KCNQ1OT1: variants seen among roughly 807,000 people sequenced by gnomAD.
KCNQ1OT1 encodes KCNQ1 opposite strand/antisense transcript 1.
rs1849229693 is a variant in KCNQ1OT1 at position 2,624,436 on chromosome 11, C to G, written n.75559G>C. ...TTATTTTTAACAAAGTCTAGCTTAT[C>G]AATTATTTCTTTCATGAATCATGCC... On this transcript the variant is annotated non_coding_transcript_exon_variant, in exon 1 of 1. Transcript: ENST00000597346. The surrounding 1 kb of genome is among the most constrained non-coding windows in gnomAD (Gnocchi z 4.9). 1 of 398,416 alleles carries G rather than the reference C, an allele frequency of 2.5e-6. No individual in the cohort carries two copies. The highest frequency in any genetic ancestry group is 4.4e-5 in the Admixed American group (1 of 22,726). The allele number at this position is 398,416 out of a possible 1,614,324, so 24.7% of individuals were successfully genotyped here.
chr11:2,667,703 G>C, exon 1 of KCNQ1OT1: 1 of 398,786 alleles, frequency 2.5e-6, no homozygotes, highest in Non-Finnish European at 4.4e-6. Flanking sequence ...ACCTAGTCAG[G>C]AAGTCTGGAA....
exon 1 of KCNQ1OT1, chr11:2,686,344 G>A (rs1451942920): frequency 2.5e-6 from 1 of 398,612 alleles, no homozygotes; most frequent in African/African-American, 2.1e-5. Context: ...TCCAAGCTGG[G>A]GGAGGAGTAT....
At chr11:2,667,808 C>G (rs1850110068) in exon 1 of KCNQ1OT1, 3 of 398,542 alleles carry the variant, frequency 7.5e-6, no homozygotes, top group Non-Finnish European at 1.3e-5. Context: ...CTGGGCTACC[C>G]TGGTATAGGG....
At chr11:2,662,145 TG>T in exon 1 of KCNQ1OT1, 2 of 1,608,004 alleles carry the variant, frequency 1.2e-6, no homozygotes, top group Non-Finnish European at 8.5e-7. Context: ...GAGTCAGACT[TG>T]GTGCTGGGGA....
exon 1 of KCNQ1OT1, chr11:2,648,464 CTG>C (rs1194820732): frequency 1.0e-5 from 4 of 398,220 alleles, no homozygotes; most frequent in African/African-American, 2.1e-5. Context: ...TTTTTGTATG[CTG>C]TGTTTCTATT....
chr11:2,635,040 C>G (rs1221654144), exon 1 of KCNQ1OT1: 1 of 152,060 alleles, frequency 6.6e-6, no homozygotes, highest in East Asian at 1.9e-4. Flanking sequence ...TTTGTTTTTT[C>G]TTGTAAATTT....
chr11:2,660,853 A>T, exon 1 of KCNQ1OT1: 1 of 398,658 alleles, frequency 2.5e-6, no homozygotes. Context: ...CCAGTATGTC[A>T]GCTTTTAAGA....
At chr11:2,660,875 T>C in exon 1 of KCNQ1OT1, 4 of 398,650 alleles carry the variant, frequency 1.0e-5, no homozygotes, top group Non-Finnish European at 1.8e-5. Context: ...TAAAGATGAA[T>C]ATGGCATCAT....
rs964580919 is a variant in KCNQ1OT1 at position 2,613,584 on chromosome 11, G to A, written n.86411C>T. 73 of 398,312 alleles carry A rather than the reference G, an allele frequency of 1.8e-4. No individual in the cohort carries two copies. Among genetic ancestry groups the A allele is most frequent in the Admixed American group, 1.5e-3 (35 of 22,686 alleles). 24.7% of individuals were successfully genotyped at this position (398,312 alleles called of 1,614,324 possible). ...AGGCTTAATATTTTTTCTTTAATTA[G>A]CACTTTTCAATTTTATATTTCTTTG... On this transcript the variant is annotated non_coding_transcript_exon_variant, in exon 1 of 1. Transcript: ENST00000597346. This position sits in a 1 kb window ranked among gnomAD's most constrained non-coding sequence, Gnocchi z 4.8.
chr11:2,641,821 A>G (rs186144026), exon 1 of KCNQ1OT1: 1 of 398,452 alleles, frequency 2.5e-6, no homozygotes, highest in East Asian at 3.6e-5. Flanking sequence ...TAGTATAGCA[A>G]GAGATAGAAA....
exon 1 of KCNQ1OT1, chr11:2,699,932 C>G (rs912030935): frequency 4.5e-5 from 18 of 398,266 alleles, no homozygotes; most frequent in Admixed American, 8.8e-5. Context: ...GAGGGGCGCC[C>G]TGGCAGGATC....
At chr11:2,655,932 C>T (rs1026295329) in exon 1 of KCNQ1OT1, 13 of 398,712 alleles carry the variant, frequency 3.3e-5, no homozygotes, top group Middle Eastern at 6.3e-4. Flanking sequence ...AACCAAAAAG[C>T]ACACATTCCT....
chr11:2,659,347 C>T lies in KCNQ1OT1; in HGVS notation n.40648G>A, dbSNP rs1590012500. On this transcript the variant is annotated non_coding_transcript_exon_variant, in exon 1 of 1. Coordinates refer to ENST00000597346, the Ensembl canonical transcript of KCNQ1OT1. This position sits in a 1 kb window ranked among gnomAD's most constrained non-coding sequence, Gnocchi z 4.3. ...TTCTAGAATGTCCTATAAATGGGAT[C>T]CTATAATATGTATTCTTTTGCATCT... 5.0e-6 allele frequency: 2 copies of T among 398,590 alleles called. No homozygotes were observed. Among genetic ancestry groups the T allele is most frequent in the Middle Eastern group, 6.3e-4 (1 of 1,586 alleles). The allele number at this position is 398,590 out of a possible 1,614,324, so 24.7% of individuals were successfully genotyped here.
chr11:2,611,013 T>C lies in KCNQ1OT1; in HGVS notation n.88982A>G. On this transcript the variant is annotated non_coding_transcript_exon_variant, in exon 1 of 1. Coordinates refer to ENST00000597346, the Ensembl canonical transcript of KCNQ1OT1. The surrounding 1 kb of genome is among the most constrained non-coding windows in gnomAD (Gnocchi z 5.3). ...GTTGAGTTGTCTATTATTGTTCAGT[T>C]GTCTGTTTCTCTCTTCATTTCTGAC... The C allele has an allele frequency of 2.5e-6, 1 of 398,488 alleles. No homozygotes were observed. Among genetic ancestry groups the C allele is most frequent in the Admixed American group, 4.4e-5 (1 of 22,724 alleles). 24.7% of individuals were successfully genotyped at this position (398,488 alleles called of 1,614,324 possible).
chr11:2,616,810 A>G, exon 1 of KCNQ1OT1: 1 of 398,258 alleles, frequency 2.5e-6, no homozygotes, highest in Non-Finnish European at 4.4e-6. Flanking sequence ...CTAACATATC[A>G]TCCCTCCTAG....
At position 2,690,273 on chromosome 11, in the gene KCNQ1OT1, A is replaced by G; in HGVS notation, n.9722T>C. The G allele has an allele frequency of 2.5e-6, 1 of 398,770 alleles. No homozygotes were observed. Among genetic ancestry groups the G allele is most frequent in the Non-Finnish European group, 4.4e-6 (1 of 226,140 alleles). The allele number at this position is 398,770 out of a possible 1,614,324, so 24.7% of individuals were successfully genotyped here. A position where few individuals can be genotyped will look rare whatever the true frequency, so the allele number is the denominator to read the frequency against. On this transcript the variant is annotated non_coding_transcript_exon_variant, in exon 1 of 1. Coordinates refer to ENST00000597346, the Ensembl canonical transcript of KCNQ1OT1. This position sits in a 1 kb window ranked among gnomAD's most constrained non-coding sequence, Gnocchi z 5.1. ...CTGAGCTGCTCCTTGCTGCATCTGC[A>G]CATATGTGTAGTGTCTTCCTCCCTG...
exon 1 of KCNQ1OT1, chr11:2,618,010 C>T (rs1161748919): frequency 4.8e-5 from 19 of 398,436 alleles, no homozygotes; most frequent in Admixed American, 8.8e-5. Flanking sequence ...TGACTGTTTC[C>T]GTTCCTGTGC....
Position 2,651,379 on chromosome 11 carries a change from G to T in KCNQ1OT1, n.48616C>A. 2 of 398,728 alleles carry T rather than the reference G, an allele frequency of 5.0e-6. No homozygotes were observed. Among genetic ancestry groups the T allele is most frequent in the Non-Finnish European group, 8.8e-6 (2 of 226,148 alleles). The allele number at this position is 398,728 out of a possible 1,614,324, so 24.7% of individuals were successfully genotyped here. A position where few individuals can be genotyped will look rare whatever the true frequency, so the allele number is the denominator to read the frequency against. On this transcript the variant is annotated non_coding_transcript_exon_variant, in exon 1 of 1. Transcript: ENST00000597346. The surrounding 1 kb of genome is among the most constrained non-coding windows in gnomAD (Gnocchi z 6.1). ...TATTTATCTTTCACTAGTGAGTGCT[G>T]CCCCGGTGGTGGCTCACTTTCCATT...
At chr11:2,610,803 G>A (rs1848968785) in exon 1 of KCNQ1OT1, 3 of 269,224 alleles carry the variant, frequency 1.1e-5, no homozygotes, top group South Asian at 1.7e-4. Context: ...TGTTTCTGAC[G>A]AAAAGTCAGC....
Sources: allele counts gnomAD v4.1 joint callset, GRCh38; gene constraint gnomAD v4.1.1; non-coding constraint Gnocchi (gnomAD v3.1); transcripts MANE v1.5; gene names NCBI Gene and HGNC (gene_info 2026-07-23, HGNC 2026-07-21).